ITPR2: variants seen among roughly 807,000 people sequenced by gnomAD.
ITPR2 encodes inositol 1,4,5-trisphosphate-gated calcium channel ITPR2.
In ITPR2, 207 loss-of-function variants were observed where a neutral mutation model predicts 317.1. That is an observed-to-expected ratio of 0.65 (90% confidence interval 0.58 to 0.73). The LOEUF (loss-of-function observed/expected upper bound fraction) is 0.73, where lower values mean the gene tolerates loss of function less well. ITPR2 is among the 30% of genes least tolerant of loss of function. ITPR2 has a pLI of 0.00. For synonymous variants in ITPR2, 1,156 were observed against 1,149.1 expected (o/e 1.01, Z -0.12); for missense variants, 2,613 against 3,284.0 (o/e 0.80, Z 4.99).
intron 28 of ITPR2, among the ~76,000 whole-genome samples, chr12:26,600,876 C>G (rs1379460762): frequency 3.3e-5 from 5 of 151,998 alleles, no homozygotes; most frequent in Admixed American, 2.6e-4. Flanking sequence ...ATCTCTCTGT[C>G]CCTTCCTTTT....
In ITPR2 at chr12:26,362,346, C is replaced by T. The variant is rs185432703; in HGVS notation, c.7858-22018G>A. On this transcript the variant is annotated intron_variant, in intron 55 of 56. Coordinates refer to ENST00000381340, the MANE Select transcript of ITPR2 (RefSeq NM_002223.4). ...CAAAATTAAAACTTCCATAGGCCTT[C>T]TGAGACCTAAGCACCAGCAGAACAT... is the stretch of plus-strand genomic sequence containing the variant. 2.7e-4 allele frequency among the ~76,000 whole-genome samples: 41 copies of T among 152,242 alleles called. 1 individual carries two copies. Among genetic ancestry groups the T allele is most frequent in the Non-Finnish European group, 2.1e-4 (14 of 67,984 alleles).
intron 2 of ITPR2, among the ~76,000 whole-genome samples, chr12:26,734,880 T>G (rs1266491337): frequency 6.6e-6 from 1 of 152,172 alleles, no homozygotes; most frequent in Admixed American, 6.5e-5. Context: ...CCAATAAGAC[T>G]AGCTTTCTTT....
Position 26,439,198 on chromosome 12 carries a change from C to G in ITPR2, c.6572G>C (p.Ser2191Thr). The G allele has an allele frequency of 3.7e-6, 6 of 1,613,042 alleles. No homozygotes were observed. The highest frequency in any genetic ancestry group is 5.1e-6 in the Non-Finnish European group (6 of 1,179,438). Residue 2191 changes from serine to threonine, a missense_variant, in exon 47 of 57, where the codon AGT (serine) becomes ACT (threonine). Ser to Thr is a moderately conservative substitution (Grantham distance 58, BLOSUM62 1). Coordinates refer to ENST00000381340, the MANE Select transcript of ITPR2 (RefSeq NM_002223.4). ...FNTTERDEQG[S>T]KVNDFFQQTE... is the part of the protein sequence containing the mutation. ...TTGCTGGAAAAAGTCATTCACTTTA[C>G]TTCCTTGTTCATCCCTTTCAGTTGT...
intron 2 of ITPR2, among the ~76,000 whole-genome samples, chr12:26,771,157 C>A (rs773984434): frequency 6.6e-6 from 1 of 152,144 alleles, no homozygotes; most frequent in African/African-American, 2.4e-5. Flanking sequence ...ACTTATAGTG[C>A]CCAGACGTTA....
At chr12:26,582,362 T>C (rs1040609891) in intron 32 of ITPR2, among the ~76,000 whole-genome samples, 1 of 152,236 alleles carries the variant, frequency 6.6e-6, no homozygotes, top group Admixed American at 6.5e-5. Context: ...TCAAATGATC[T>C]TTTTATGTGC....
intron 1 of ITPR2, among the ~76,000 whole-genome samples, chr12:26,832,004 A>C (rs1951118708): frequency 6.6e-6 from 1 of 151,810 alleles, no homozygotes; most frequent in African/African-American, 2.4e-5. Flanking sequence ...TCAGCATTTC[A>C]GTGGGCCAAG....
intron 10 of ITPR2, among the ~76,000 whole-genome samples, chr12:26,687,558 C>T (rs919598594): frequency 6.6e-6 from 1 of 152,154 alleles, no homozygotes; most frequent in African/African-American, 2.4e-5. Flanking sequence ...TCAATGGCTG[C>T]TGCGACAACA....
In ITPR2 at chr12:26,550,266, T is replaced by C; in HGVS notation, c.5054A>G (p.Lys1685Arg). The C allele has an allele frequency of 6.7e-7, 1 of 1,496,722 alleles. No individual in the cohort carries two copies. Among genetic ancestry groups the C allele is most frequent in the Non-Finnish European group, 9.2e-7 (1 of 1,085,870 alleles). The allele number at this position is 1,496,722 out of a possible 1,614,324, so 92.7% of individuals were successfully genotyped here. The change falls in exon 37 of 57, where the codon AAA becomes AGA. Residue 1685 changes from lysine (K) to arginine (R), a missense_variant. By Grantham distance (26) the Lys-to-Arg change is conservative (BLOSUM62 2). This residue lies in a region of ITPR2 where 926 missense variants were observed against 1,072.8 expected (regional missense o/e 0.86). Coordinates refer to ENST00000381340, the MANE Select transcript of ITPR2 (RefSeq NM_002223.4). ...LQTLREMLEKKDSFVEEGNTL... is the reference protein window; with the variant it reads ...LQTLREMLEKRDSFVEEGNTL... ...AAATACCTCTTCCACAAAGCTGTCTTTCTTCTCTAACATTTCTCGTAATGT... is the reference window on the plus strand; with the variant it reads ...AAATACCTCTTCCACAAAGCTGTCTCTCTTCTCTAACATTTCTCGTAATGT...
chr12:26,390,213 T>C (rs1377671758), intron 54 of ITPR2, among the ~76,000 whole-genome samples: 1 of 152,194 alleles, frequency 6.6e-6, no homozygotes, highest in Non-Finnish European at 1.5e-5. Flanking sequence ...ATTCCTCAAA[T>C]GGTTAAACAG....
chr12:26,793,797 G>C (rs1565771160), intron 1 of ITPR2, among the ~76,000 whole-genome samples: 1 of 152,154 alleles, frequency 6.6e-6, no homozygotes, highest in Non-Finnish European at 1.5e-5. Context: ...AGACGAAAGA[G>C]AGATTTGGAA....
intron 13 of ITPR2, among the ~76,000 whole-genome samples, chr12:26,671,307 G>A (rs1947764791): frequency 6.6e-6 from 1 of 151,654 alleles, no homozygotes; most frequent in South Asian, 2.1e-4. Flanking sequence ...GAGAAAGGTT[G>A]GGTTACCCAC....
rs941977677 is a variant in ITPR2, at chr12:26,816,445, C to G, written c.92+16245G>C. The stretch of plus-strand genomic sequence containing the variant: ...TCACACCATGAGAGAGTGGAGTCAT[C>G]ATATAAAACCAGGTTTGTCGGAACC... On this transcript the variant is annotated intron_variant, in intron 1 of 56. Transcript: ENST00000381340. Among the ~76,000 whole-genome samples the G allele has an allele frequency of 3.9e-5, 6 of 152,262 alleles. No homozygotes were observed. The East Asian group carries it at 1.2e-3, about 29-fold the overall frequency.
chr12:26,483,588 A>G, intron 42 of ITPR2, 110 bp downstream of exon 42: 1 of 754,540 alleles, frequency 1.3e-6, no homozygotes, highest in Non-Finnish European at 2.3e-6. Context: ...TTATTAGGAA[A>G]GTAAAAATGT....
rs769185654 is a variant in ITPR2, at chr12:26,495,201, A to G, written c.5133T>C (p.Gly1711=). The change falls in exon 38 of 57, where the codon GGT becomes GGC. Residue 1711 remains glycine (G), a synonymous_variant. Transcript: ENST00000381340. ...NRYFKGDYSI[G]VNGHLSGAYS... Reference sequence around the variant, plus strand: ...AGGCTCCTGATAGGTGTCCATTCACACCAATACTATAATCACCTTTAAAGT... The same window carrying G: ...AGGCTCCTGATAGGTGTCCATTCACGCCAATACTATAATCACCTTTAAAGT... 3.1e-6 allele frequency: 5 copies of G among 1,610,272 alleles called. No individual in the cohort carries two copies. In the Admixed American group the frequency reaches 5.0e-5, roughly 16 times the overall value.
At chr12:26,427,520 G>A (rs1231936575) in intron 49 of ITPR2, among the ~76,000 whole-genome samples, 1 of 151,966 alleles carries the variant, frequency 6.6e-6, no homozygotes, top group East Asian at 1.9e-4. Flanking sequence ...TTGATGAAAG[G>A]TGCCCACTTT....
chr12:26,376,390 C>G (rs1939345544), intron 55 of ITPR2, among the ~76,000 whole-genome samples: 1 of 152,194 alleles, frequency 6.6e-6, no homozygotes, highest in Non-Finnish European at 1.5e-5. Flanking sequence ...CCCTGACTCT[C>G]TGAGGTCAGG....
intron 54 of ITPR2, among the ~76,000 whole-genome samples, chr12:26,393,216 T>C (rs1029280162): frequency 1.3e-5 from 2 of 152,356 alleles, no homozygotes; most frequent in African/African-American, 4.8e-5. Context: ...CTTTGTTATT[T>C]GGTACTATGT....
intron 1 of ITPR2, among the ~76,000 whole-genome samples, chr12:26,824,772 A>G (rs1051522517): frequency 3.3e-5 from 5 of 152,220 alleles, no homozygotes; most frequent in African/African-American, 1.2e-4. Context: ...CACTGCTAAT[A>G]TGCTGTTCTA....
At chr12:26,367,881 T>C (rs1354767943) in intron 55 of ITPR2, among the ~76,000 whole-genome samples, 2 of 152,316 alleles carry the variant, frequency 1.3e-5, no homozygotes, top group South Asian at 2.1e-4. Context: ...CCTTCTTAGA[T>C]AGTACTTCAT....
Sources: gnomAD v4.1 joint callset for allele counts (sites outside exome capture counted in the v4.1 genomes callset) on GRCh38, gnomAD v4.1.1 for gene constraint, gnomAD v4.1.1 regional missense constraint, MANE v1.5 for transcripts, NCBI Gene and HGNC (gene_info 2026-07-23, HGNC 2026-07-21) for gene names.